The following PKD1L1 variants were observed in gnomAD, a reference collection of about 807,000 sequenced individuals.
PKD1L1 encodes the protein polycystin 1 like 1, transient receptor potential channel interacting, also known as polycystin-1-like protein 1.
Under a neutral mutation model 323.4 loss-of-function variants are expected in PKD1L1, and 236 were observed. The ratio of observed to expected loss-of-function variants is 0.73; its 90% confidence interval spans 0.66 to 0.81. The LOEUF is 0.81. PKD1L1 is among the 40% of genes least tolerant of loss of function. PKD1L1 has a pLI of 0.00. For synonymous variants in PKD1L1, 1,344 were observed against 1,335.0 expected, an observed-to-expected ratio of 1.01 and a Z score of -0.15; for missense variants, 3,320 against 3,508.0, an observed-to-expected ratio of 0.95 and a Z score of 1.35.
intron 13 of PKD1L1, among the ~76,000 whole-genome samples, chr7:47,901,294 T>C (rs1473178472): frequency 7.9e-6 from 1 of 126,400 alleles, no homozygotes; most frequent in Admixed American, 1.0e-4. Flanking sequence ...GCCAAGATCA[T>C]GCCACTGCAC....
In PKD1L1 at chr7:47,898,159, C is replaced by G; in HGVS notation, c.2100G>C (p.Thr700=). 6.2e-7 allele frequency: 1 copy of G among 1,614,106 alleles called. No individual in the cohort carries two copies. The highest frequency in any genetic ancestry group is 8.5e-7 in the Non-Finnish European group (1 of 1,180,002). The change falls in exon 14 of 57, where the codon ACG becomes ACC. Residue 700 remains threonine, a synonymous_variant. Coordinates refer to ENST00000289672, the MANE Select transcript of PKD1L1 (RefSeq NM_138295.5). ...WRSQPVRLGV[T]FEAAVFCDIS... is the part of the protein sequence containing the mutation. Reference sequence around the variant, plus strand: ...TATCACAGAAGACTGCAGCTTCAAACGTCACTCCCAGCCTCACAGGCTGAG... The same window carrying G: ...TATCACAGAAGACTGCAGCTTCAAAGGTCACTCCCAGCCTCACAGGCTGAG...
In PKD1L1 at chr7:47,877,589, G is replaced by C; in HGVS notation, c.3563C>G (p.Thr1188Arg). ...CATGTCCCGAGGAGCCGGGTTGACTGTCAAGTACAGCTGAGCTTTACCCAG... is the reference window on the plus strand; with the variant it reads ...CATGTCCCGAGGAGCCGGGTTGACTCTCAAGTACAGCTGAGCTTTACCCAG... Reference protein sequence around the residue: ...GLLGKAQLYLTVNPAPRDMAC... With the variant: ...GLLGKAQLYLRVNPAPRDMAC... Residue 1188 changes from threonine (T) to arginine (R), a missense_variant, in exon 22 of 57, where the codon ACA becomes AGA. Thr to Arg is a moderately conservative substitution (Grantham distance 71, BLOSUM62 -1). Transcript: ENST00000289672. 6.2e-7 allele frequency: 1 copy of C among 1,614,206 alleles called. No individual in the cohort carries two copies. The highest frequency in any genetic ancestry group is 1.1e-5 in the South Asian group (1 of 91,088).
At chr7:47,842,461 T>C (rs1262368907) in intron 34 of PKD1L1, among the ~76,000 whole-genome samples, 1 of 152,132 alleles carries the variant, frequency 6.6e-6, no homozygotes, top group Non-Finnish European at 1.5e-5. Flanking sequence ...CACTTCGAAT[T>C]GCACATGGCT....
chr7:47,869,546 T>A (rs1163780320), intron 24 of PKD1L1, among the ~76,000 whole-genome samples: 1 of 152,124 alleles, frequency 6.6e-6, no homozygotes, highest in Non-Finnish European at 1.5e-5. Context: ...TGTAGGTAAA[T>A]TCACCAGGAA....
intron 26 of PKD1L1, among the ~76,000 whole-genome samples, chr7:47,860,538 C>T (rs17628198): frequency 6.6e-6 from 1 of 152,022 alleles, no homozygotes; most frequent in African/African-American, 2.4e-5. Context: ...AGTTCTTCCA[C>T]CACAATAAGA....
chr7:47,791,036 T>G (rs1347287882), intron 56 of PKD1L1, among the ~76,000 whole-genome samples: 1 of 152,180 alleles, frequency 6.6e-6, no homozygotes, highest in African/African-American at 2.4e-5. Context: ...CACCCACCCA[T>G]GTTCTAGTTT....
chr7:47,912,412 T>C (rs552787948), intron 8 of PKD1L1, among the ~76,000 whole-genome samples: 1 of 152,268 alleles, frequency 6.6e-6, no homozygotes, highest in African/African-American at 2.4e-5. Flanking sequence ...AAGAAATCTT[T>C]CCTGAAACAA....
At position 47,847,484 on chromosome 7, in the gene PKD1L1, A is replaced by T. The variant is rs1341240984; in HGVS notation, c.4961-413T>A. On this transcript the variant is annotated intron_variant, in intron 31 of 56. Coordinates refer to ENST00000289672, the MANE Select transcript of PKD1L1 (RefSeq NM_138295.5). ...TTTGTCAGCCAGCCTGCGAAATTTCAGTATACCCAGGGTCTAAACCCATTC... is the reference window on the plus strand; with the variant it reads ...TTTGTCAGCCAGCCTGCGAAATTTCTGTATACCCAGGGTCTAAACCCATTC... Among the ~76,000 whole-genome samples the T allele has an allele frequency of 2.6e-5, 4 of 152,188 alleles. No homozygotes were observed. In the East Asian group the frequency reaches 7.7e-4, roughly 29 times the overall value.
chr7:47,846,041 G>T (rs930663434), intron 32 of PKD1L1, among the ~76,000 whole-genome samples: 2 of 152,176 alleles, frequency 1.3e-5, no homozygotes, highest in Non-Finnish European at 2.9e-5. Flanking sequence ...CCTAGCAATG[G>T]CATTAGAAAA....
intron 10 of PKD1L1, 82 bp downstream of exon 10, chr7:47,905,761 G>C: frequency 3.2e-6 from 5 of 1,561,250 alleles, no homozygotes; most frequent in Non-Finnish European, 3.5e-6. Flanking sequence ...AACAAAACCT[G>C]CTGCTGCCTA....
chr7:47,811,897 G>C lies in PKD1L1; in HGVS notation c.7501C>G (p.Leu2501Val), dbSNP rs373762740. ...LRVEILPTGS[L>V]VPSSLVESFS... is the part of the protein sequence containing the mutation. Reference sequence around the variant, plus strand: ...GACTCCACCAGGGATGAGGGGACGAGACTCCCCGTAGGGAGGATCTCCACT... The same window carrying C: ...GACTCCACCAGGGATGAGGGGACGACACTCCCCGTAGGGAGGATCTCCACT... Residue 2501 changes from leucine (L) to valine (V), a missense_variant, in exon 50 of 57, where the codon CTC becomes GTC. Transcript: ENST00000289672. 6 of 1,610,756 alleles carry C rather than the reference G, an allele frequency of 3.7e-6. No homozygotes were observed. The highest frequency in any genetic ancestry group is 5.1e-6 in the Non-Finnish European group (6 of 1,178,762).
chr7:47,865,569 T>C (rs1786146464), intron 25 of PKD1L1, among the ~76,000 whole-genome samples: 1 of 91,374 alleles, frequency 1.1e-5, no homozygotes, highest in South Asian at 3.5e-4. Flanking sequence ...AATTTATTTA[T>C]TATTTTATTT....
chr7:47,863,356 G>A (rs573180769), intron 26 of PKD1L1, among the ~76,000 whole-genome samples: 4 of 152,130 alleles, frequency 2.6e-5, no homozygotes, highest in African/African-American at 9.6e-5. Flanking sequence ...AGTCAGCTTT[G>A]GGTTGGAGGT....
At chr7:47,957,862 A>AAAATATATATATATATATAT in the PKD1L1 span, among the ~76,000 whole-genome samples, 10 of 134,666 alleles carry the variant, frequency 7.4e-5, no homozygotes, top group Non-Finnish European at 1.4e-4. Context: ...ATTAAAAAAA[A>AAAATATATATATATATATAT]ATATATATAT....
At chr7:47,850,102 A>T (rs913915642) in intron 31 of PKD1L1, among the ~76,000 whole-genome samples, 5 of 152,166 alleles carry the variant, frequency 3.3e-5, no homozygotes, top group African/African-American at 1.2e-4. Context: ...CCAAAATCTC[A>T]CAAATCACCA....
Position 47,840,757 on chromosome 7 carries a change from A to G in PKD1L1, c.5446-190T>C. Among the ~76,000 whole-genome samples the G allele has an allele frequency of 6.6e-6, 1 of 152,254 alleles. No individual in the cohort carries two copies. The highest frequency in any genetic ancestry group is 1.9e-4 in the East Asian group (1 of 5,200). On this transcript the variant is annotated intron_variant, in intron 34 of 56. Transcript: ENST00000289672. This position sits in a 1 kb window ranked among gnomAD's most constrained non-coding sequence, Gnocchi z 4.1. Reference sequence around the variant, plus strand: ...CAGTCCCAGGCTTCCCTGGAGAGCCAGAGGAGAGCCTCGAAGTGGAGCCTG... The same window carrying G: ...CAGTCCCAGGCTTCCCTGGAGAGCCGGAGGAGAGCCTCGAAGTGGAGCCTG...
chr7:47,863,291 T>C (rs1318542075), intron 26 of PKD1L1, among the ~76,000 whole-genome samples: 1 of 152,106 alleles, frequency 6.6e-6, no homozygotes, highest in Non-Finnish European at 1.5e-5. Flanking sequence ...CTGTGCAGTT[T>C]CGGCCCGTGT....
chr7:47,909,529 T>C (rs1253926695), intron 8 of PKD1L1, among the ~76,000 whole-genome samples: 1 of 152,250 alleles, frequency 6.6e-6, no homozygotes. Flanking sequence ...ACCTGGCATC[T>C]GACTACAGAA....
intron 26 of PKD1L1, among the ~76,000 whole-genome samples, chr7:47,864,429 C>T (rs370296310): frequency 1.8e-4 from 27 of 152,082 alleles, no homozygotes; most frequent in Middle Eastern, 3.4e-3. Flanking sequence ...GAAGGTGTGA[C>T]GAAGGAAAAA....
Sources: gnomAD v4.1 joint callset for allele counts (sites outside exome capture counted in the v4.1 genomes callset) on GRCh38, gnomAD v4.1.1 for gene constraint, Gnocchi (gnomAD v3.1) non-coding constraint, MANE v1.5 for transcripts, NCBI Gene and HGNC (gene_info 2026-07-23, HGNC 2026-07-21) for gene names.